EVA1A: variants seen among roughly 807,000 people sequenced by gnomAD.
EVA1A encodes the protein protein eva-1 homolog A.
EVA1A carries 7 observed loss-of-function variants against 9.8 expected under a neutral mutation model. The observed-to-expected ratio is 0.71, with a 90% confidence interval of 0.41 to 1.34. The LOEUF is 1.34. EVA1A is among the 40% of genes most tolerant of loss of function. The pLI is 0.01. For missense variants in EVA1A, 206 were observed against 205.9 expected (o/e 1.00, Z 0.00); for synonymous variants, 90 against 85.6 (o/e 1.05, Z -0.28).
intron 2 of EVA1A, chr2:75,518,959 TC>T: frequency 1.4e-6 from 1 of 722,774 alleles, no homozygotes. Flanking sequence ...GCTCCATGAC[TC>T]CACCTGTGAC....
At chr2:75,527,731 T>C (rs948656095) in intron 1 of EVA1A, among the ~76,000 whole-genome samples, 2 of 152,012 alleles carry the variant, frequency 1.3e-5, no homozygotes, top group Non-Finnish European at 2.9e-5. Context: ...AAAGAGAAGA[T>C]ATAAGGAAAA....
intron 1 of EVA1A, among the ~76,000 whole-genome samples, chr2:75,552,160 G>T (rs1007006051): frequency 4.0e-5 from 6 of 150,596 alleles, no homozygotes; most frequent in Non-Finnish European, 3.0e-5. Flanking sequence ...GCATGCCAGC[G>T]TGGTCACAAA....
chr2:75,548,983 A>AATATATATAT (rs71403226), intron 1 of EVA1A, among the ~76,000 whole-genome samples: 2 of 133,686 alleles, frequency 1.5e-5, no homozygotes, highest in Admixed American at 7.5e-5. Context: ...CTAAATGAAA[A>AATATATATAT]ATATATATAT....
Position 75,557,701 on chromosome 2 carries a change from C to A in EVA1A, c.-192+2979G>T, listed in dbSNP as rs576743987. Among the ~76,000 whole-genome samples the A allele has an allele frequency of 1.8e-4, 27 of 152,356 alleles. No individual in the cohort carries two copies. The South Asian group carries it at 5.2e-3, about 29-fold the overall frequency. On this transcript the variant is annotated intron_variant, in intron 1 of 3. Coordinates refer to ENST00000393913, the MANE Select transcript of EVA1A (RefSeq NM_001135032.2). ...TCCCCCCATCCCAAAAAAGTTAATC[C>A]TCTTCTAGCCCTGACTATGTACATA... is the stretch of plus-strand genomic sequence containing the variant.
intron 1 of EVA1A, among the ~76,000 whole-genome samples, chr2:75,535,746 A>G (rs1675860372): frequency 6.6e-6 from 1 of 152,184 alleles, no homozygotes. Flanking sequence ...ACACAAAGGC[A>G]TACAGTGATA....
intron 3 of EVA1A, among the ~76,000 whole-genome samples, chr2:75,508,888 G>A (rs1395995813): frequency 6.6e-6 from 1 of 152,182 alleles, no homozygotes; most frequent in African/African-American, 2.4e-5. Context: ...CTATCGGGGC[G>A]GGTTCCCAGA....
intron 3 of EVA1A, among the ~76,000 whole-genome samples, chr2:75,510,516 G>A (rs1674773555): frequency 6.6e-6 from 1 of 152,182 alleles, no homozygotes; most frequent in African/African-American, 2.4e-5. Context: ...CTCCCTCACT[G>A]TTGAGAGACT....
At chr2:75,523,215 C>T (rs1037011455) in intron 1 of EVA1A, among the ~76,000 whole-genome samples, 2 of 152,192 alleles carry the variant, frequency 1.3e-5, no homozygotes, top group African/African-American at 4.8e-5. Flanking sequence ...GCTATTTCTT[C>T]CCCAAAATGG....
intron 3 of EVA1A, among the ~76,000 whole-genome samples, chr2:75,512,779 G>A (rs548809260): frequency 6.6e-6 from 1 of 152,260 alleles, no homozygotes; most frequent in South Asian, 2.1e-4. Flanking sequence ...AGATTGTCCT[G>A]TGCATTGTAG....
chr2:75,546,361 A>G (rs1676327877), intron 1 of EVA1A, among the ~76,000 whole-genome samples: 1 of 152,174 alleles, frequency 6.6e-6, no homozygotes, highest in Non-Finnish European at 1.5e-5. Flanking sequence ...TGTTATATGA[A>G]CTAATGAATG....
intron 1 of EVA1A, among the ~76,000 whole-genome samples, chr2:75,547,398 A>G (rs1470826849): frequency 6.6e-6 from 1 of 152,204 alleles, no homozygotes; most frequent in Non-Finnish European, 1.5e-5. Context: ...GCAATTTTCA[A>G]ACTTCAGTTT....
intron 3 of EVA1A, among the ~76,000 whole-genome samples, chr2:75,495,473 T>C (rs1029281768): frequency 3.3e-5 from 5 of 152,228 alleles, no homozygotes; most frequent in African/African-American, 1.2e-4. Context: ...GTCTAGTGGC[T>C]TGTTCCAGGT....
chr2:75,503,861 G>A (rs993126351), intron 3 of EVA1A, among the ~76,000 whole-genome samples: 2 of 152,088 alleles, frequency 1.3e-5, no homozygotes, highest in African/African-American at 4.8e-5. Flanking sequence ...TTTGATAACA[G>A]AGCAGGGTGA....
rs77525075 is a variant in EVA1A, at chr2:75,568,802, A to G, written c.-192+674T>C. The stretch of plus-strand genomic sequence containing the variant: ...AAAAGACATTATTCTGTTCCTCTTT[A>G]TGGCTGAGTAGTATTCCATGATGTA... On this transcript the variant is annotated intron_variant, in intron 1 of 3. Transcript: ENST00000233712. Among the ~76,000 whole-genome samples, 668 of 152,236 alleles carry G rather than the reference A, an allele frequency of 4.4e-3. 5 individuals are homozygous for G. The highest frequency in any genetic ancestry group is 0.015 in the African/African-American group (642 of 41,532).
intron 1 of EVA1A, among the ~76,000 whole-genome samples, chr2:75,537,756 G>A (rs932344859): frequency 2.0e-5 from 3 of 152,074 alleles, no homozygotes; most frequent in African/African-American, 4.8e-5. Flanking sequence ...TACTTTATGC[G>A]AGAGCTGACT....
At chr2:75,536,365 C>CG (rs1205056462) in intron 1 of EVA1A, among the ~76,000 whole-genome samples, 4 of 151,694 alleles carry the variant, frequency 2.6e-5, no homozygotes, top group Admixed American at 2.6e-4. Context: ...CACCTCCCCC[C>CG]CAAATAAAAC....
chr2:75,548,652 C>A (rs866761769), intron 1 of EVA1A, among the ~76,000 whole-genome samples: 4 of 152,134 alleles, frequency 2.6e-5, no homozygotes, highest in African/African-American at 4.8e-5. Context: ...TCCCTTAGCA[C>A]CCTGTGACAT....
chr2:75,535,229 A>T lies in EVA1A; in HGVS notation c.-191-12742T>A, dbSNP rs548289664. Among the ~76,000 whole-genome samples, 11 of 149,410 alleles carry T rather than the reference A, an allele frequency of 7.4e-5. No individual in the cohort carries two copies. In the South Asian group the frequency reaches 1.3e-3, roughly 17 times the overall value. ...ATGCAAATTAAACTCACAATGAGAT[A>T]TCACTTATCCTTACTGGAATGGCCA... On this transcript the variant is annotated intron_variant, in intron 1 of 3. Coordinates refer to ENST00000393913, the MANE Select transcript of EVA1A (RefSeq NM_001135032.2).
intron 1 of EVA1A, among the ~76,000 whole-genome samples, chr2:75,531,321 G>A (rs543187377): frequency 8.5e-5 from 13 of 152,230 alleles, no homozygotes; most frequent in East Asian, 5.8e-4. Context: ...AAACCAGTAC[G>A]ACCACTATAC....
Sources: gnomAD v4.1 joint callset for allele counts (sites outside exome capture counted in the v4.1 genomes callset) on GRCh38, gnomAD v4.1.1 for gene constraint, MANE v1.5 for transcripts, NCBI Gene and HGNC (gene_info 2026-07-23, HGNC 2026-07-21) for gene names.